Variants in AAGAB observed in about 807,000 individuals in gnomAD.
AAGAB encodes alpha- and gamma-adaptin-binding protein p34.
In AAGAB, 38 loss-of-function variants were observed where a neutral mutation model predicts 44.1. The ratio of observed to expected loss-of-function variants is 0.86; its 90% CI spans 0.67 to 1.13. AAGAB has a LOEUF of 1.13. Ranked by LOEUF, AAGAB falls within the 50% of genes most tolerant of loss-of-function variation. AAGAB has a pLI of 0.00. For missense variants in AAGAB, 450 were observed against 373.8 expected (o/e 1.20, Z -1.68); for synonymous variants, 131 against 131.8 (o/e 0.99, Z 0.04).
chr15:67,209,544 T>A lies in AAGAB; in HGVS notation c.536A>T (p.Asp179Val). 5.6e-6 allele frequency: 9 copies of A among 1,612,896 alleles called. No homozygotes were observed. The highest frequency in any genetic ancestry group is 7.6e-6 in the Non-Finnish European group (9 of 1,178,990). ...GAGAAGGCTAAAGCCTTGGTTCCTA[T>A]CTGAAAAGGAAAAATACACTTAGTG... The part of the protein sequence containing the change: ...NVWSNVVMKN[D>V]RNQGFSLLNS... The change falls in exon 6 of 10, where the codon GAT (aspartate) becomes GTT (valine). Residue 179 changes from aspartate (D) to valine (V), a missense_variant and splice_region_variant. Physicochemically the swap from Asp to Val is radical, Grantham distance 152. Coordinates refer to ENST00000261880, the MANE Select transcript of AAGAB (RefSeq NM_024666.5).
At position 67,202,656 on chromosome 15, in the gene AAGAB, A is replaced by G. The variant is rs1963593633; in HGVS notation, c.*165T>C. On this transcript the variant is annotated 3_prime_UTR_variant, in exon 10 of 10. Coordinates refer to ENST00000261880, the MANE Select transcript of AAGAB (RefSeq NM_024666.5). Reference sequence around the variant, plus strand: ...TTACAATATACTGAGGAAAAAAAAGATTTCTCCTTAACCTCCTACTAAAAA... The same window carrying G: ...TTACAATATACTGAGGAAAAAAAAGGTTTCTCCTTAACCTCCTACTAAAAA... 14 of 614,934 alleles carry G rather than the reference A, an allele frequency of 2.3e-5. No homozygotes were observed. The highest frequency in any genetic ancestry group is 4.1e-5 in the Non-Finnish European group (14 of 341,200). 38.1% of individuals were successfully genotyped at this position (614,934 alleles called of 1,614,324 possible). A position where few individuals can be genotyped will look rare whatever the true frequency, so the allele number is the denominator to read the frequency against.
In AAGAB at chr15:67,201,827, CAG is replaced by C. The variant is rs1257011553; in HGVS notation, c.*992_*993del. On this transcript the variant is annotated 3_prime_UTR_variant, in exon 10 of 10. Transcript: ENST00000261880. ...CTCCGAGGTTACAGGCTTGGAAGGG[CAG>C]AGAGGAGCTACGAACCTTGGAAGAA... 6.6e-6 allele frequency: 1 copy of C among 152,258 alleles called. No homozygotes were observed. Among genetic ancestry groups the C allele is most frequent in the Non-Finnish European group, 1.5e-5 (1 of 68,044 alleles). The allele number at this position is 152,258 out of a possible 1,614,324, so 9.4% of individuals were successfully genotyped here.
chr15:67,247,609 G>A (rs1042158966), intron 1 of AAGAB, among the ~76,000 whole-genome samples: 64 of 152,014 alleles, frequency 4.2e-4, no homozygotes, highest in African/African-American at 1.4e-3. Flanking sequence ...CCTACTCTCC[G>A]CCACCCCCTC....
intron 5 of AAGAB, among the ~76,000 whole-genome samples, chr15:67,209,925 G>A (rs570511104): frequency 1.3e-5 from 2 of 152,136 alleles, no homozygotes; most frequent in African/African-American, 4.8e-5. Flanking sequence ...ATCAGCCCCC[G>A]AAACTGCCAG....
rs1233696945 is a variant in AAGAB at position 67,204,065 on chromosome 15, A to G, written c.799T>C (p.Ser267Pro). The part of the protein sequence containing the change: ...GDVENFERLF[S>P]KLKEMKDKAA... ...TTACCTTTCATTTCCTTTAACTTTG[A>G]AAAGAGTCTTTCAAAATTCTCCACA... is the stretch of plus-strand genomic sequence containing the variant. Residue 267 changes from serine (S) to proline (P), a missense_variant, in exon 8 of 10, where the codon TCA (serine) becomes CCA (proline). Coordinates refer to ENST00000261880, the MANE Select transcript of AAGAB (RefSeq NM_024666.5). 2 of 1,607,672 alleles carry G rather than the reference A, an allele frequency of 1.2e-6. No individual in the cohort carries two copies. The highest frequency in any genetic ancestry group is 1.7e-6 in the Non-Finnish European group (2 of 1,174,320).
chr15:67,205,841 T>C (rs1356000056), intron 7 of AAGAB, among the ~76,000 whole-genome samples: 1 of 151,930 alleles, frequency 6.6e-6, no homozygotes, highest in Non-Finnish European at 1.5e-5. Flanking sequence ...GTGGAAATGT[T>C]TGGTTTTTGT....
chr15:67,209,041 A>G (rs990552046), intron 6 of AAGAB, among the ~76,000 whole-genome samples: 1 of 152,248 alleles, frequency 6.6e-6, no homozygotes, highest in African/African-American at 2.4e-5. Flanking sequence ...TCTTGGCTCC[A>G]GCTGCTGACC....
chr15:67,214,790 G>A (rs189670262), intron 5 of AAGAB, among the ~76,000 whole-genome samples: 257 of 152,082 alleles, frequency 1.7e-3, no homozygotes, highest in African/African-American at 5.9e-3. Context: ...CCAGGCGTCC[G>A]CCACCGCGCC....
rs1420774415 is a variant in AAGAB, at chr15:67,236,057, G to T, written c.373C>A (p.Gln125Lys). 1 of 1,611,302 alleles carries T rather than the reference G, an allele frequency of 6.2e-7. No homozygotes were observed. The highest frequency in any genetic ancestry group is 1.3e-5 in the African/African-American group (1 of 74,830). Reference protein sequence around the residue: ...DRVSEDGINRQKAQEWCIKHG... With the variant: ...DRVSEDGINRKKAQEWCIKHG... ...TTGATGCACCATTCTTGAGCTTTTT[G>T]TCGGTTTATACCTAAAATAATATGC... Residue 125 changes from glutamine to lysine, a missense_variant, in exon 4 of 10, where the codon CAA (glutamine) becomes AAA (lysine). By Grantham distance (53) the Gln-to-Lys change is moderately conservative. Coordinates refer to ENST00000261880, the MANE Select transcript of AAGAB (RefSeq NM_024666.5).
chr15:67,201,787 G>C lies in AAGAB; in HGVS notation c.*1034C>G, dbSNP rs1411804080. The stretch of plus-strand genomic sequence containing the variant: ...CCACTCAAACAAGACAAAGGATAAA[G>C]AACAAAAGATAGTCCTCCGAGGTTA... On this transcript the variant is annotated 3_prime_UTR_variant, in exon 10 of 10. Coordinates refer to ENST00000261880, the MANE Select transcript of AAGAB (RefSeq NM_024666.5). 1.3e-5 allele frequency: 2 copies of C among 152,320 alleles called. No homozygotes were observed. The highest frequency in any genetic ancestry group is 4.8e-5 in the African/African-American group (2 of 41,442). The allele number at this position is 152,320 out of a possible 1,614,324, so 9.4% of individuals were successfully genotyped here. A position where few individuals can be genotyped will look rare whatever the true frequency, so the allele number is the denominator to read the frequency against.
chr15:67,222,242 G>GTGCACACACACACA (rs1555417888), intron 5 of AAGAB, among the ~76,000 whole-genome samples: 1 of 90,044 alleles, frequency 1.1e-5, no homozygotes, highest in African/African-American at 3.8e-5. Context: ...GCGCGCGCGC[G>GTGCACACACACACA]CACACACACA....
At position 67,201,733 on chromosome 15, in the gene AAGAB, A is replaced by G. The variant is rs1405496349; in HGVS notation, c.*1088T>C. 6.6e-6 allele frequency: 1 copy of G among 152,280 alleles called. No individual in the cohort carries two copies. Among genetic ancestry groups the G allele is most frequent in the Non-Finnish European group, 1.5e-5 (1 of 68,026 alleles). The allele number at this position is 152,280 out of a possible 1,614,324, so 9.4% of individuals were successfully genotyped here. ...TCCACTCTTCCTTTAAAAACTTGCC[A>G]TTTGCTTATCAGTTCCTCTGGGGCT... On this transcript the variant is annotated 3_prime_UTR_variant, in exon 10 of 10. Coordinates refer to ENST00000261880, the MANE Select transcript of AAGAB (RefSeq NM_024666.5).
chr15:67,216,693 C>T (rs1008402862), intron 5 of AAGAB, among the ~76,000 whole-genome samples: 3 of 151,402 alleles, frequency 2.0e-5, no homozygotes, highest in African/African-American at 7.3e-5. Context: ...CTTAAGCACA[C>T]TCTTGAAAAT....
At chr15:67,245,514 A>G (rs1364523263) in intron 1 of AAGAB, among the ~76,000 whole-genome samples, 6 of 152,234 alleles carry the variant, frequency 3.9e-5, no homozygotes, top group African/African-American at 1.4e-4. Context: ...TTCTGGGATG[A>G]CGGAAATGTT....
At position 67,236,784 on chromosome 15, in the gene AAGAB, G is replaced by A. The variant is rs755789174; in HGVS notation, c.110C>T (p.Thr37Ile). 5.0e-6 allele frequency: 8 copies of A among 1,611,322 alleles called. No individual in the cohort carries two copies. In the Admixed American group the frequency reaches 8.4e-5, roughly 17 times the overall value. ...LGTEDLIVEV[T>I]SNDAVRFYPW... Reference sequence around the variant, plus strand: ...ATAAAATCTCACAGCATCATTGGAAGTCACTTCCACAATAAGATCTTCTGT... The same window carrying A: ...ATAAAATCTCACAGCATCATTGGAAATCACTTCCACAATAAGATCTTCTGT... The change falls in exon 2 of 10, where the codon ACT (threonine) becomes ATT (isoleucine). Residue 37 changes from threonine to isoleucine, a missense_variant. Physicochemically the swap from Thr to Ile is moderately conservative, Grantham distance 89. Coordinates refer to ENST00000261880, the MANE Select transcript of AAGAB (RefSeq NM_024666.5).
chr15:67,217,727 G>A (rs139983041), intron 5 of AAGAB, among the ~76,000 whole-genome samples: 297 of 152,064 alleles, frequency 2.0e-3, no homozygotes, highest in African/African-American at 6.9e-3. Context: ...TAGTAGAGAT[G>A]GGGTTTCACC....
At chr15:67,246,181 G>C (rs1456757963) in intron 1 of AAGAB, among the ~76,000 whole-genome samples, 1 of 152,128 alleles carries the variant, frequency 6.6e-6, no homozygotes, top group Non-Finnish European at 1.5e-5. Context: ...AGGAGTTCAA[G>C]ACCAGCCTGA....
intron 1 of AAGAB, among the ~76,000 whole-genome samples, chr15:67,241,751 T>G (rs1284790230): frequency 1.3e-5 from 2 of 152,282 alleles, no homozygotes; most frequent in African/African-American, 4.8e-5. Context: ...CAGTAAATAT[T>G]CATTTCCTTC....
At chr15:67,251,171 G>A (rs1346294748) in intron 1 of AAGAB, among the ~76,000 whole-genome samples, 3 of 152,154 alleles carry the variant, frequency 2.0e-5, no homozygotes, top group African/African-American at 7.2e-5. Flanking sequence ...GTCCATGCAT[G>A]CACTTTATGC....
Sources: allele counts gnomAD v4.1 joint callset (sites outside exome capture counted in the v4.1 genomes callset), GRCh38; gene constraint gnomAD v4.1.1; transcripts MANE v1.5; gene names NCBI Gene and HGNC (gene_info 2026-07-23, HGNC 2026-07-21).